Variants in ZDHHC14 observed in about 807,000 individuals in gnomAD.
The protein encoded by ZDHHC14 is zDHHC palmitoyltransferase 14, also known as palmitoyltransferase ZDHHC14.
Under a neutral mutation model 47.7 loss-of-function variants are expected in ZDHHC14, and 16 were observed. That is an observed-to-expected ratio of 0.34 (90% CI 0.23 to 0.51). ZDHHC14 has a LOEUF of 0.51. ZDHHC14 is among the 20% of genes least tolerant of loss of function. The pLI, the probability that ZDHHC14 is intolerant of heterozygous loss-of-function variation, is 0.97. For synonymous variants in ZDHHC14, 293 were observed against 278.9 expected (o/e 1.05, Z -0.50); for missense variants, 515 against 662.5 (o/e 0.78, Z 2.44).
chr6:157,625,508 A>G (rs1485104838), intron 3 of ZDHHC14, among the ~76,000 whole-genome samples: 1 of 152,114 alleles, frequency 6.6e-6, no homozygotes, highest in Non-Finnish European at 1.5e-5. Flanking sequence ...AGAGAGAAAG[A>G]CAGTCCATGG....
chr6:157,424,025 G>C (rs920432543), intron 1 of ZDHHC14, among the ~76,000 whole-genome samples: 1 of 152,148 alleles, frequency 6.6e-6, no homozygotes, highest in Non-Finnish European at 1.5e-5. Flanking sequence ...CCAAAGCTTC[G>C]GCTTATTTCA....
At chr6:157,382,547 G>A (rs1401729493) in intron 1 of ZDHHC14, among the ~76,000 whole-genome samples, 2 of 152,176 alleles carry the variant, frequency 1.3e-5, no homozygotes, top group Non-Finnish European at 2.9e-5. Flanking sequence ...GACCCAGCAG[G>A]TGGGGCCGCC....
intron 1 of ZDHHC14, among the ~76,000 whole-genome samples, chr6:157,535,982 G>T (rs543287171): frequency 6.6e-6 from 1 of 152,094 alleles, no homozygotes; most frequent in South Asian, 2.1e-4. Context: ...AAGGAAAAGG[G>T]GTCATTTCTA....
rs767515074 is a variant in ZDHHC14 at position 157,653,540 on chromosome 6, A to G, written c.981A>G (p.Arg327=). 8.7e-6 allele frequency: 14 copies of G among 1,613,688 alleles called. No homozygotes were observed. In the African/African-American group the frequency reaches 1.9e-4, roughly 22 times the overall value. The change falls in exon 8 of 9, where the codon AGA becomes AGG. Residue 327 remains arginine (R), a synonymous_variant. Coordinates refer to ENST00000359775, the MANE Select transcript of ZDHHC14 (RefSeq NM_024630.3). Reference sequence around the variant, plus strand: ...TCTCTCGCAGCCTGATCGACAGAAGAGGGTACATCCAGCCCGACACGCCGC... The same window carrying G: ...TCTCTCGCAGCCTGATCGACAGAAGGGGGTACATCCAGCCCGACACGCCGC... ...GPISPSLIDR[R]GYIQPDTPQP...
At chr6:157,468,186 C>T (rs1779266478) in intron 1 of ZDHHC14, among the ~76,000 whole-genome samples, 3 of 152,146 alleles carry the variant, frequency 2.0e-5, no homozygotes. Context: ...ACAGGGCAGG[C>T]AGCAAGCTTC....
chr6:157,465,139 GGTT>G (rs1187113630), intron 1 of ZDHHC14, among the ~76,000 whole-genome samples: 2 of 97,170 alleles, frequency 2.1e-5, no homozygotes, highest in Non-Finnish European at 4.3e-5. Flanking sequence ...ACATTTTAAT[GGTT>G]GTTTATTGGG....
intron 1 of ZDHHC14, among the ~76,000 whole-genome samples, chr6:157,491,658 T>C (rs890611022): frequency 3.3e-5 from 5 of 152,248 alleles, no homozygotes; most frequent in African/African-American, 7.2e-5. Context: ...AAGGCTCAAA[T>C]CAGCTGCTTT....
chr6:157,482,061 A>G (rs1779643800), intron 1 of ZDHHC14, among the ~76,000 whole-genome samples: 1 of 152,088 alleles, frequency 6.6e-6, no homozygotes, highest in African/African-American at 2.4e-5. Context: ...TTTCCATGGG[A>G]CATTCCCACT....
chr6:157,445,520 G>A (rs1778647956), intron 1 of ZDHHC14, among the ~76,000 whole-genome samples: 1 of 152,160 alleles, frequency 6.6e-6, no homozygotes, highest in African/African-American at 2.4e-5. Flanking sequence ...GGTTAGAGAG[G>A]CCTCTCTTTG....
chr6:157,509,834 A>C (rs1009533503), intron 1 of ZDHHC14, among the ~76,000 whole-genome samples: 2 of 152,234 alleles, frequency 1.3e-5, no homozygotes, highest in African/African-American at 4.8e-5. Context: ...CATGCTAGTT[A>C]CTTGGCATGT....
intron 1 of ZDHHC14, among the ~76,000 whole-genome samples, chr6:157,407,157 C>T (rs1777781377): frequency 6.6e-6 from 1 of 152,148 alleles, no homozygotes; most frequent in Non-Finnish European, 1.5e-5. Context: ...GGTGGGTGAC[C>T]AGTCCACAGC....
chr6:157,494,677 A>G (rs1780012037), intron 1 of ZDHHC14, among the ~76,000 whole-genome samples: 1 of 152,234 alleles, frequency 6.6e-6, no homozygotes, highest in Non-Finnish European at 1.5e-5. Flanking sequence ...GTTCCAGTGC[A>G]GGTCACTTTG....
intron 1 of ZDHHC14, among the ~76,000 whole-genome samples, chr6:157,531,431 A>G (rs1582896039): frequency 6.6e-6 from 1 of 150,692 alleles, no homozygotes; most frequent in Non-Finnish European, 1.5e-5. Flanking sequence ...CCTTGCCAAC[A>G]CCCTTCCTCT....
In ZDHHC14 at chr6:157,586,311, GAGA is replaced by G. The variant is rs1398022713; in HGVS notation, c.407-6674_407-6672del. 6.6e-6 allele frequency among the ~76,000 whole-genome samples: 1 copy of G among 152,206 alleles called. No individual in the cohort carries two copies. Among genetic ancestry groups the G allele is most frequent in the African/African-American group, 2.4e-5 (1 of 41,452 alleles). On this transcript the variant is annotated intron_variant, in intron 2 of 8. Coordinates refer to ENST00000359775, the MANE Select transcript of ZDHHC14 (RefSeq NM_024630.3). The surrounding 1 kb of genome is among the most constrained non-coding windows in gnomAD (Gnocchi z 4.6). ...CTCTGCTTGCAAAGTGTTTTCACAAGAGAAGCTGGAACTGGCCCTCAAAGGATA... is the reference window on the plus strand; with the variant it reads ...CTCTGCTTGCAAAGTGTTTTCACAAGAGCTGGAACTGGCCCTCAAAGGATA...
At chr6:157,460,774 C>G (rs1198477602) in intron 1 of ZDHHC14, among the ~76,000 whole-genome samples, 1 of 152,126 alleles carries the variant, frequency 6.6e-6, no homozygotes, top group East Asian at 1.9e-4. Context: ...GGAAACATCC[C>G]CCGTTTGCTT....
intron 5 of ZDHHC14, among the ~76,000 whole-genome samples, chr6:157,635,044 A>G (rs1427150257): frequency 4.3e-4 from 64 of 150,408 alleles, no homozygotes; most frequent in African/African-American, 1.4e-3. Context: ...CCCAGGCTGG[A>G]GTGCACTGGC....
intron 1 of ZDHHC14, 49 bp downstream of exon 1, chr6:157,382,315 C>G: frequency 1.3e-5 from 20 of 1,591,302 alleles, no homozygotes; most frequent in Non-Finnish European, 1.6e-5. Flanking sequence ...CTGGTCTCCC[C>G]TGTCCCCCGC....
chr6:157,601,985 C>T (rs1216499710), intron 3 of ZDHHC14, among the ~76,000 whole-genome samples: 4 of 152,008 alleles, frequency 2.6e-5, no homozygotes, highest in African/African-American at 9.7e-5. Context: ...GGGCAGATCA[C>T]AAGGTCAAGA....
At chr6:157,624,813 A>T (rs1478615194) in intron 3 of ZDHHC14, among the ~76,000 whole-genome samples, 1 of 152,224 alleles carries the variant, frequency 6.6e-6, no homozygotes, top group Non-Finnish European at 1.5e-5. Flanking sequence ...AGTGAAAAAC[A>T]AATGTGAGCA....
Sources: allele counts gnomAD v4.1 joint callset (sites outside exome capture counted in the v4.1 genomes callset), GRCh38; gene constraint gnomAD v4.1.1; non-coding constraint Gnocchi (gnomAD v3.1); transcripts MANE v1.5; gene names NCBI Gene and HGNC (gene_info 2026-07-23, HGNC 2026-07-21).